Variants in MTERF4 observed in about 807,000 individuals in gnomAD.
The protein encoded by MTERF4 is mitochondrial transcription termination factor 4.
A neutral mutation model predicts 22.5 loss-of-function variants in MTERF4; 17 were observed. That is an observed-to-expected ratio of 0.75 (90% confidence interval 0.52 to 1.13). The LOEUF (loss-of-function observed/expected upper bound fraction) is 1.13. Among genes scored for constraint, MTERF4 ranks in the 50% most tolerant of loss-of-function variants. The pLI, the probability that MTERF4 is intolerant of heterozygous loss-of-function variation, is 0.00. For synonymous variants in MTERF4, 165 were observed against 175.3 expected, an observed-to-expected ratio of 0.94 and a Z score of 0.47; for missense variants, 420 against 466.8, an observed-to-expected ratio of 0.90 and a Z score of 0.92.
At chr2:241,080,530 A>G (rs894866825) in intron 4 of MTERF4, among the ~76,000 whole-genome samples, 3 of 152,218 alleles carry the variant, frequency 2.0e-5, no homozygotes, top group Admixed American at 6.5e-5. Context: ...AGACTGAAGC[A>G]GGATGTGGAC....
chr2:241,096,339 C>T lies in MTERF4; in HGVS notation c.805G>A (p.Glu269Lys), dbSNP rs1237542563. 6.2e-7 allele frequency: 1 copy of T among 1,614,106 alleles called. No homozygotes were observed. The highest frequency in any genetic ancestry group is 1.7e-5 in the Admixed American group (1 of 60,006). ...GGGGTTTGGTACCGTCCCAGGCGCT[C>T]CAGGTAAATGTGTCTCTGCTTAATC... is the stretch of plus-strand genomic sequence containing the variant. ...TKIKQRHIYL[E>K]RLGRYQTPDK... Residue 269 changes from glutamate to lysine, a missense_variant, in exon 4 of 4, where the codon GAG (glutamate) becomes AAG (lysine). Glu to Lys is a moderately conservative substitution (Grantham distance 56). Transcript: ENST00000391980. This position sits in a 1 kb window ranked among gnomAD's most constrained non-coding sequence, Gnocchi z 5.1.
intron 4 of MTERF4, among the ~76,000 whole-genome samples, chr2:241,078,659 T>C (rs1203576442): frequency 6.6e-6 from 1 of 151,826 alleles, no homozygotes. Context: ...GGGAAGGCAG[T>C]AACAGCTAAA....
At chr2:241,045,713 C>CAA in the MTERF4 span, among the ~76,000 whole-genome samples, 92 of 133,612 alleles carry the variant, frequency 6.9e-4, 1 homozygote, top group South Asian at 5.8e-3. Flanking sequence ...AAAACATAGG[C>CAA]AAAAAAAAAA....
downstream of MTERF4, among the ~76,000 whole-genome samples, chr2:241,091,309 G>C (rs974119845): frequency 3.3e-5 from 5 of 152,228 alleles, no homozygotes; most frequent in African/African-American, 1.2e-4. The surrounding 1 kb of genome is among the most constrained non-coding windows in gnomAD (Gnocchi z 4.1). Flanking sequence ...GTTACCGGAA[G>C]GAGGAGGGCA....
At position 241,096,419 on chromosome 2, in the gene MTERF4, C is replaced by A. The variant is rs776751589; in HGVS notation, c.725G>T (p.Gly242Val). 1 of 1,613,946 alleles carries A rather than the reference C, an allele frequency of 6.2e-7. No individual in the cohort carries two copies. The highest frequency in any genetic ancestry group is 8.5e-7 in the Non-Finnish European group (1 of 1,180,024). The change falls in exon 4 of 4, where the codon GGA becomes GTA. Residue 242 changes from glycine to valine, a missense_variant. Physicochemically the swap from Gly to Val is moderately radical, Grantham distance 109. Transcript: ENST00000391980. The surrounding 1 kb of genome is among the most constrained non-coding windows in gnomAD (Gnocchi z 5.1). Reference sequence around the variant, plus strand: ...CTTTACAATGTCTGGATGCTTAATTCCCATCCTGAAGTATGCATACTGGAA... The same window carrying A: ...CTTTACAATGTCTGGATGCTTAATTACCATCCTGAAGTATGCATACTGGAA... ...YKFQYAYFRM[G>V]IKHPDIVKSE...
Position 241,081,689 on chromosome 2 carries a change from A to G in MTERF4, n.480-6007T>C, listed in dbSNP as rs1392024950. The G allele has an allele frequency of 1.9e-6, 3 of 1,604,932 alleles. No homozygotes were observed. In the Admixed American group the frequency reaches 5.1e-5, roughly 27 times the overall value. ...CCTCTGTTTCCAGACGTCCCTGGCAACTGTTCAGAAAACCCCTGTCAGAAC... is the reference window on the plus strand; with the variant it reads ...CCTCTGTTTCCAGACGTCCCTGGCAGCTGTTCAGAAAACCCCTGTCAGAAC... On this transcript the variant is annotated intron_variant and non_coding_transcript_variant, in intron 4 of 4. Coordinates refer to the MTERF4 transcript ENST00000464344.
chr2:241,048,531 A>G, the MTERF4 span: 2 of 1,507,968 alleles, frequency 1.3e-6, no homozygotes, highest in East Asian at 2.4e-5. Flanking sequence ...AAACGCCCCG[A>G]AAAGAAACGT....
At chr2:241,048,642 C>T in the MTERF4 span, 48 of 1,592,186 alleles carry the variant, frequency 3.0e-5, no homozygotes, top group Middle Eastern at 5.0e-4. Context: ...ATGGGAGGCT[C>T]CTCCCTCTCT....
the MTERF4 span, among the ~76,000 whole-genome samples, chr2:241,052,732 C>G: frequency 1.5e-3 from 66 of 43,914 alleles, no homozygotes; most frequent in African/African-American, 4.4e-3. Context: ...GATACCAGTG[C>G]CAGGCAGGTG....
the MTERF4 span, among the ~76,000 whole-genome samples, chr2:241,043,569 C>T: frequency 6.6e-6 from 1 of 151,936 alleles, no homozygotes; most frequent in Non-Finnish European, 1.5e-5. Context: ...TCTGGATCTA[C>T]ACAAAAGAAT....
chr2:241,047,014 G>A, the MTERF4 span, among the ~76,000 whole-genome samples: 5 of 151,834 alleles, frequency 3.3e-5, no homozygotes, highest in Admixed American at 6.6e-5. Context: ...GTGGTAGCAC[G>A]TGCTTATAAT....
downstream of MTERF4, chr2:241,087,735 A>G (rs1456544971): frequency 4.6e-6 from 6 of 1,294,850 alleles, no homozygotes; most frequent in South Asian, 1.5e-4. Context: ...TTCACACAGA[A>G]CATGGTGCTA....
At chr2:241,090,143 AAC>A (rs1559322866), downstream of MTERF4, 1 of 1,476,776 alleles carries the variant, frequency 6.8e-7, no homozygotes, top group Non-Finnish European at 9.0e-7. Flanking sequence ...TTAAAATACA[AAC>A]ACACTGTACG....
chr2:241,043,657 C>A, the MTERF4 span, among the ~76,000 whole-genome samples: 1 of 152,072 alleles, frequency 6.6e-6, no homozygotes, highest in Non-Finnish European at 1.5e-5. Flanking sequence ...AATAATAAAA[C>A]TTACATGCAG....
At chr2:241,048,944 G>A in the MTERF4 span, 28 of 1,360,980 alleles carry the variant, frequency 2.1e-5, no homozygotes, top group Non-Finnish European at 2.5e-5. Flanking sequence ...GTCTTGGGAG[G>A]CCCCATCCTT....
downstream of MTERF4, chr2:241,071,410 C>G: frequency 1.4e-6 from 1 of 727,454 alleles, no homozygotes; most frequent in Non-Finnish European, 2.3e-6. Flanking sequence ...GAACCCAGGG[C>G]ATCTGGGGAA....
chr2:241,090,302 C>T (rs1488827751), downstream of MTERF4: 11 of 1,549,288 alleles, frequency 7.1e-6, no homozygotes, highest in Non-Finnish European at 9.6e-6. Flanking sequence ...ATCCATGTCA[C>T]CTTCTTCCAC....
downstream of MTERF4, among the ~76,000 whole-genome samples, chr2:241,091,462 C>G (rs554332307): frequency 6.6e-6 from 1 of 151,716 alleles, no homozygotes; most frequent in Non-Finnish European, 1.5e-5. The surrounding 1 kb of genome is among the most constrained non-coding windows in gnomAD (Gnocchi z 4.1). Flanking sequence ...TCTAAGAACG[C>G]GGGGTCCTCC....
chr2:241,081,868 C>T, intron 4 of MTERF4: 1 of 1,162,366 alleles, frequency 8.6e-7, no homozygotes, highest in Non-Finnish European at 1.3e-6. Flanking sequence ...TGGGCCACAG[C>T]TGGGTTTGCC....
Sources: allele counts gnomAD v4.1 joint callset (sites outside exome capture counted in the v4.1 genomes callset), GRCh38; gene constraint gnomAD v4.1.1; non-coding constraint Gnocchi (gnomAD v3.1); transcripts MANE v1.5; gene names NCBI Gene and HGNC (gene_info 2026-07-23, HGNC 2026-07-21).